The following PSPC1 variants were observed in gnomAD, a reference collection of about 807,000 sequenced individuals.
The protein encoded by PSPC1 is paraspeckle protein 1.
In PSPC1, 14 loss-of-function variants were observed where a neutral mutation model predicts 51.6. The ratio of observed to expected loss-of-function variants is 0.27; its 90% CI spans 0.18 to 0.42. The LOEUF is 0.42. PSPC1 is among the 10% of genes least tolerant of loss of function. The pLI, the probability that PSPC1 is intolerant of heterozygous loss-of-function variation, is 1.00. For missense variants in PSPC1, 406 were observed against 701.1 expected (o/e 0.58, Z 4.75); for synonymous variants, 193 against 231.9 (o/e 0.83, Z 1.53).
At chr13:19,682,889 CCCTGTCTCTCACTAAA>C (rs1877431795) in intron 6 of PSPC1, among the ~76,000 whole-genome samples, 3 of 151,520 alleles carry the variant, frequency 2.0e-5, no homozygotes, top group Non-Finnish European at 4.4e-5. Flanking sequence ...TAGTGAGAGA[CCCTGTCTCTCACTAAA>C]AAAAAAAAAT....
chr13:19,674,767 TG>T, exon 8 of PSPC1: 1 of 152,290 alleles, frequency 6.6e-6, no homozygotes, highest in East Asian at 1.9e-4. Context: ...AAGTTCGAAA[TG>T]TTTAATATTT....
chr13:19,732,605 G>A (rs1017371023), intron 5 of PSPC1, among the ~76,000 whole-genome samples: 2 of 152,128 alleles, frequency 1.3e-5, no homozygotes. Context: ...ATGGATTCAC[G>A]TCAGATTGCC....
chr13:19,748,946 A>T (rs1235942133), intron 4 of PSPC1, among the ~76,000 whole-genome samples: 1 of 152,000 alleles, frequency 6.6e-6, no homozygotes, highest in Non-Finnish European at 1.5e-5. Flanking sequence ...ACGGTGGCTC[A>T]TATCTGTAAT....
chr13:19,695,333 G>A (rs1238151651), intron 6 of PSPC1, among the ~76,000 whole-genome samples: 2 of 152,226 alleles, frequency 1.3e-5, no homozygotes, highest in Non-Finnish European at 2.9e-5. Context: ...ACATTCTATT[G>A]CAAAGCAGAA....
downstream of PSPC1, among the ~76,000 whole-genome samples, chr13:19,698,751 G>A (rs1879543029): frequency 6.6e-6 from 1 of 151,928 alleles, no homozygotes; most frequent in South Asian, 2.1e-4. Context: ...TTTCGCAGAG[G>A]AGGGAACTGA....
chr13:19,771,906 G>T (rs1460851302), intron 2 of PSPC1, among the ~76,000 whole-genome samples: 2 of 152,038 alleles, frequency 1.3e-5, no homozygotes, highest in Non-Finnish European at 2.9e-5. Flanking sequence ...GCACCCCTGA[G>T]GTGCTTTTTA....
downstream of PSPC1, among the ~76,000 whole-genome samples, chr13:19,701,796 A>G (rs1879939596): frequency 6.6e-6 from 1 of 152,224 alleles, no homozygotes; most frequent in South Asian, 2.1e-4. Flanking sequence ...GATATAGCAA[A>G]CCATAATGAT....
rs1358919941 is a variant in PSPC1, at chr13:19,779,750, C to T, written c.372+2636G>A. Among the ~76,000 whole-genome samples the T allele has an allele frequency of 4.0e-5, 4 of 101,144 alleles. 1 individual carries two copies. Among genetic ancestry groups the T allele is most frequent in the Non-Finnish European group, 6.3e-5 (3 of 47,884 alleles). 66.4% of individuals were successfully genotyped at this position (101,144 alleles called of 152,430 possible). On this transcript the variant is annotated intron_variant, in intron 1 of 8. Coordinates refer to ENST00000338910, the MANE Select transcript of PSPC1 (RefSeq NM_001354909.2). ...GGGAGGTGGGGGGGGGTCAGCCCTC[C>T]GCCCAGCCAGCCGGCCCGTCTGGGA...
At chr13:19,756,141 G>C (rs1359120252) in intron 3 of PSPC1, among the ~76,000 whole-genome samples, 1 of 152,034 alleles carries the variant, frequency 6.6e-6, no homozygotes, top group Non-Finnish European at 1.5e-5. Context: ...GGGAGGGTGA[G>C]GGACAAGAAT....
chr13:19,711,635 C>T (rs1881437221), intron 6 of PSPC1, among the ~76,000 whole-genome samples: 1 of 96,554 alleles, frequency 1.0e-5, no homozygotes, highest in African/African-American at 3.6e-5. Context: ...GAGACTCCGT[C>T]TCATAAAAAA....
intron 6 of PSPC1, among the ~76,000 whole-genome samples, chr13:19,695,128 T>G (rs536730190): frequency 6.6e-6 from 1 of 152,160 alleles, no homozygotes; most frequent in Non-Finnish European, 1.5e-5. Flanking sequence ...AGAAAAGAAA[T>G]AGAAACTGGC....
chr13:19,690,850 A>T (rs1356006523), intron 6 of PSPC1, among the ~76,000 whole-genome samples: 1 of 152,120 alleles, frequency 6.6e-6, no homozygotes, highest in African/African-American at 2.4e-5. Context: ...GTCTATTAAG[A>T]GCTGGACTAT....
rs895747802 is a variant in PSPC1 at position 19,782,277 on chromosome 13, G to C, written c.372+109C>G. 7.1e-7 allele frequency: 1 copy of C among 1,416,806 alleles called. No individual in the cohort carries two copies. Among genetic ancestry groups the C allele is most frequent in the African/African-American group, 1.5e-5 (1 of 67,084 alleles). The allele number at this position is 1,416,806 out of a possible 1,614,324, so 87.8% of individuals were successfully genotyped here. ...ATCGATGAGGCCGAGCGGCGCCACG[G>C]TTGCCACAGGTTGAGACAGCGTCCT... On this transcript the variant is annotated intron_variant, in intron 1 of 8. Coordinates refer to ENST00000338910, the MANE Select transcript of PSPC1 (RefSeq NM_001354909.2). This position sits in a 1 kb window ranked among gnomAD's most constrained non-coding sequence, Gnocchi z 4.5.
intron 5 of PSPC1, among the ~76,000 whole-genome samples, chr13:19,739,488 C>T (rs904162795): frequency 6.6e-6 from 1 of 152,188 alleles, no homozygotes; most frequent in Non-Finnish European, 1.5e-5. Flanking sequence ...TGGCTCACAC[C>T]TGTAATCCCA....
At chr13:19,727,391 C>T (rs2137900335) in intron 6 of PSPC1, among the ~76,000 whole-genome samples, 1 of 151,744 alleles carries the variant, frequency 6.6e-6, no homozygotes, top group East Asian at 1.9e-4. Flanking sequence ...TGAAACTCTG[C>T]CTCAATAAAT....
intron 5 of PSPC1, among the ~76,000 whole-genome samples, chr13:19,735,993 TG>T (rs1189470539): frequency 2.0e-5 from 3 of 152,058 alleles, no homozygotes; most frequent in African/African-American, 7.2e-5. Context: ...GCTAATTTTT[TG>T]TATTTTTAGT....
At position 19,712,034 on chromosome 13, in the gene PSPC1, CA is replaced by C. The variant is rs201849672; in HGVS notation, c.1159-2436del. Among the ~76,000 whole-genome samples the C allele has an allele frequency of 8.5e-3, 1,288 of 152,194 alleles. 17 individuals are homozygous for C. Among genetic ancestry groups the C allele is most frequent in the African/African-American group, 0.029 (1,207 of 41,516 alleles). ...CTACTGATAAAACTTAAGAATGCTT[CA>C]AAACACCCAAAATCTTCTAGCTATA... On this transcript the variant is annotated intron_variant, in intron 6 of 8. Transcript: ENST00000338910.
chr13:19,766,177 A>G (rs942104057), intron 2 of PSPC1, among the ~76,000 whole-genome samples: 1 of 152,176 alleles, frequency 6.6e-6, no homozygotes, highest in African/African-American at 2.4e-5. Flanking sequence ...GTTCGAGACC[A>G]GCCTGGTCAA....
chr13:19,747,597 C>A (rs1284382233), intron 4 of PSPC1, among the ~76,000 whole-genome samples: 1 of 152,092 alleles, frequency 6.6e-6, no homozygotes, highest in East Asian at 1.9e-4. Context: ...CTTCCCAGTG[C>A]TAGAATTACA....
Sources: gnomAD v4.1 joint callset for allele counts (sites outside exome capture counted in the v4.1 genomes callset) on GRCh38, gnomAD v4.1.1 for gene constraint, Gnocchi (gnomAD v3.1) non-coding constraint, MANE v1.5 for transcripts, NCBI Gene and HGNC (gene_info 2026-07-23, HGNC 2026-07-21) for gene names.